Variants in AGBL1 observed in about 807,000 individuals in gnomAD.
AGBL1 encodes cytosolic carboxypeptidase 4.
Under a neutral mutation model 118.9 loss-of-function variants are expected in AGBL1, and 130 were observed. That is an observed-to-expected ratio of 1.09 (90% confidence interval 0.95 to 1.26). The LOEUF (loss-of-function observed/expected upper bound fraction) is 1.26. Among genes scored for constraint, AGBL1 ranks in the 50% most tolerant of loss-of-function variants. AGBL1 has a pLI of 0.00. For missense variants in AGBL1, 1,584 were observed against 1,298.1 expected (o/e 1.22, Z -3.38); for synonymous variants, 555 against 478.9 (o/e 1.16, Z -2.08).
chr15:86,982,067 T>C (rs986850809), intron 23 of AGBL1, among the ~76,000 whole-genome samples: 1 of 152,162 alleles, frequency 6.6e-6, no homozygotes, highest in African/African-American at 2.4e-5. Flanking sequence ...GAAATGATCA[T>C]CAAAACGATG....
At chr15:86,721,798 T>G (rs2142722982) in intron 22 of AGBL1, among the ~76,000 whole-genome samples, 1 of 152,324 alleles carries the variant, frequency 6.6e-6, no homozygotes, top group East Asian at 1.9e-4. Flanking sequence ...GATAGGCAAC[T>G]TCAGCAAAGT....
intron 18 of AGBL1, among the ~76,000 whole-genome samples, chr15:86,410,887 A>AT (rs2081606929): frequency 1.0e-5 from 1 of 99,286 alleles, no homozygotes; most frequent in African/African-American, 3.7e-5. Context: ...ATTATAATAT[A>AT]TATTATATAA....
chr15:86,339,600 T>A (rs1251511165), intron 17 of AGBL1, among the ~76,000 whole-genome samples: 1 of 152,236 alleles, frequency 6.6e-6, no homozygotes, highest in African/African-American at 2.4e-5. Flanking sequence ...AACAGATTCT[T>A]CTTTCCCTCC....
rs184030207 is a variant in AGBL1, at chr15:86,111,123, A to G, written c.52-30881A>G. Among the ~76,000 whole-genome samples the G allele has an allele frequency of 9.9e-4, 151 of 152,368 alleles. 1 individual carries two copies. The highest frequency in any genetic ancestry group is 1.7e-3 in the Non-Finnish European group (118 of 68,034). ...CCTGGAGGCAGCTGGGCTCAGGCCA[A>G]TGCCCCGGTTGGTCCTGAGCGTCTC... On this transcript the variant is annotated intron_variant, in intron 1 of 22. Transcript: ENST00000614907.
chr15:86,748,481 T>G lies in AGBL1; in HGVS notation c.3158+74045T>G, dbSNP rs918129807. Among the ~76,000 whole-genome samples, 48 of 149,414 alleles carry G rather than the reference T, an allele frequency of 3.2e-4. 1 individual carries two copies. In the East Asian group the frequency reaches 9.2e-3, roughly 29 times the overall value. On this transcript the variant is annotated intron_variant, in intron 22 of 22. Transcript: ENST00000614907. ...CTTTTGTTGTGCAGAAGCTCTTTAG[T>G]TGAATTAGATCCCATTTGTCAATTT... is the stretch of plus-strand genomic sequence containing the variant.
intron 21 of AGBL1, among the ~76,000 whole-genome samples, chr15:86,642,334 GT>G (rs2085206054): frequency 6.6e-6 from 1 of 152,022 alleles, no homozygotes; most frequent in Non-Finnish European, 1.5e-5. Flanking sequence ...CTCATTCCCT[GT>G]CTTTTTCTTT....
chr15:86,857,502 A>G (rs1332386923), intron 22 of AGBL1, among the ~76,000 whole-genome samples: 1 of 152,178 alleles, frequency 6.6e-6, no homozygotes, highest in East Asian at 1.9e-4. Flanking sequence ...CTCCCTCTGC[A>G]TAGAATGCTC....
chr15:86,888,811 A>C (rs1169997720), intron 22 of AGBL1, among the ~76,000 whole-genome samples: 2 of 152,158 alleles, frequency 1.3e-5, no homozygotes, highest in East Asian at 3.9e-4. Flanking sequence ...TGTTAATCAG[A>C]ACATAAAATA....
chr15:86,578,074 T>C (rs2084118985), intron 21 of AGBL1, among the ~76,000 whole-genome samples: 1 of 152,122 alleles, frequency 6.6e-6, no homozygotes, highest in Non-Finnish European at 1.5e-5. Flanking sequence ...ACTGACAGCT[T>C]GCACCGTGTG....
intron 24 of AGBL1, among the ~76,000 whole-genome samples, chr15:87,008,669 C>G (rs1375607347): frequency 2.0e-5 from 3 of 152,128 alleles, no homozygotes; most frequent in Admixed American, 2.0e-4. Context: ...AAGTTTGAAA[C>G]CCCCTGGAGA....
chr15:86,857,931 A>G (rs1331727860), intron 22 of AGBL1, among the ~76,000 whole-genome samples: 1 of 152,098 alleles, frequency 6.6e-6, no homozygotes, highest in Non-Finnish European at 1.5e-5. Flanking sequence ...CTTTTCTTTC[A>G]CAAATGTTTT....
intron 21 of AGBL1, among the ~76,000 whole-genome samples, chr15:86,618,207 G>A (rs532722443): frequency 6.6e-6 from 1 of 152,198 alleles, no homozygotes; most frequent in South Asian, 2.1e-4. Flanking sequence ...GAAACAGGAG[G>A]CAAAAACCAT....
At chr15:86,591,361 C>T (rs1410627479) in intron 21 of AGBL1, among the ~76,000 whole-genome samples, 3 of 152,276 alleles carry the variant, frequency 2.0e-5, no homozygotes, top group Admixed American at 6.5e-5. Flanking sequence ...TATCTACCTA[C>T]AGATAGTGCC....
intron 21 of AGBL1, among the ~76,000 whole-genome samples, chr15:86,557,123 T>C (rs116863478): frequency 0.011 from 1,731 of 152,346 alleles, 11 homozygotes; most frequent in Non-Finnish European, 0.018. Context: ...TCTCTGTTGC[T>C]AGGTCATACA....
intron 22 of AGBL1, among the ~76,000 whole-genome samples, chr15:86,880,205 C>T (rs1407299900): frequency 6.6e-6 from 1 of 152,184 alleles, no homozygotes; most frequent in Non-Finnish European, 1.5e-5. Context: ...AAAGGCTTTC[C>T]TTGACCTAAA....
At chr15:86,472,395 G>A (rs145748366) in intron 18 of AGBL1, among the ~76,000 whole-genome samples, 286 of 152,228 alleles carry the variant, frequency 1.9e-3, no homozygotes, top group African/African-American at 6.8e-3. Context: ...CCAGTGAATT[G>A]ACAATTCATT....
chr15:86,867,962 G>A (rs1338285578), intron 22 of AGBL1, among the ~76,000 whole-genome samples: 3 of 152,156 alleles, frequency 2.0e-5, no homozygotes, highest in Non-Finnish European at 4.4e-5. Context: ...AGAGAGGTGA[G>A]CCCTTATTTT....
At chr15:86,289,884 A>G (rs1052615134) in intron 16 of AGBL1, among the ~76,000 whole-genome samples, 7 of 152,224 alleles carry the variant, frequency 4.6e-5, no homozygotes, top group African/African-American at 1.7e-4. Flanking sequence ...TGCAGGGATT[A>G]GAATATGGGC....
At chr15:86,676,482 A>C (rs2085849545) in intron 22 of AGBL1, among the ~76,000 whole-genome samples, 2 of 152,208 alleles carry the variant, frequency 1.3e-5, no homozygotes, top group South Asian at 4.1e-4. Flanking sequence ...GTTTGAAACC[A>C]TCAACAGGCT....
Sources: allele counts gnomAD v4.1 joint callset (sites outside exome capture counted in the v4.1 genomes callset), GRCh38; gene constraint gnomAD v4.1.1; transcripts MANE v1.5; gene names NCBI Gene and HGNC (gene_info 2026-07-23, HGNC 2026-07-21).